AKAP13: variants seen among roughly 807,000 people sequenced by gnomAD.
AKAP13 encodes the protein A-kinase anchoring protein 13, also known as A-kinase anchor protein 13.
Under a neutral mutation model 264.5 loss-of-function variants are expected in AKAP13, and 80 were observed. The observed-to-expected ratio is 0.30, with a 90% CI of 0.25 to 0.36. AKAP13 has a LOEUF of 0.36. Among genes scored for constraint, AKAP13 ranks in the 10% least tolerant of loss-of-function variants. The pLI is 1.00. For missense variants in AKAP13, 3,712 were observed against 3,435.2 expected, an observed-to-expected ratio of 1.08 and a Z score of -2.01; for synonymous variants, 1,380 against 1,250.2, an observed-to-expected ratio of 1.10 and a Z score of -2.19.
chr15:85,483,642 A>AC (rs1555434091), intron 1 of AKAP13, among the ~76,000 whole-genome samples: 8 of 145,196 alleles, frequency 5.5e-5, no homozygotes, highest in South Asian at 2.2e-4. Flanking sequence ...CAAAAAAAAA[A>AC]AAAAAAAAAC....
chr15:85,665,817 A>G (rs2083562227), intron 13 of AKAP13, among the ~76,000 whole-genome samples: 1 of 152,128 alleles, frequency 6.6e-6, no homozygotes, highest in Admixed American at 6.5e-5. Flanking sequence ...ACTCAGAATG[A>G]TGGTTTCCAG....
intron 8 of AKAP13, among the ~76,000 whole-genome samples, chr15:85,606,547 A>G (rs2080353365): frequency 6.6e-6 from 1 of 152,226 alleles, no homozygotes; most frequent in African/African-American, 2.4e-5. Flanking sequence ...CTTGTACAAC[A>G]GGCCCCTACT....
chr15:85,613,713 T>TA (rs1254657975), intron 8 of AKAP13, among the ~76,000 whole-genome samples: 14,296 of 108,236 alleles, frequency 0.13, 3,028 homozygotes, highest in African/African-American at 0.33. Flanking sequence ...TATATATATA[T>TA]TAGGAGTGCT....
rs2083497698 is a variant in AKAP13, at chr15:85,664,647, A to G, written c.4884A>G (p.Glu1628=). The change falls in exon 13 of 37, where the codon GAA becomes GAG. Residue 1628 remains glutamate, a synonymous_variant. Transcript: ENST00000394518. Reference sequence around the variant, plus strand: ...TAGAAGTAAGCTCTGCAAATGCCGAAGAGCTCAGACACCCATTCAGTGGTG... The same window carrying G: ...TAGAAGTAAGCTCTGCAAATGCCGAGGAGCTCAGACACCCATTCAGTGGTG... ...SSLEVSSANA[E]ELRHPFSGEE... The G allele has an allele frequency of 6.2e-7, 1 of 1,614,168 alleles. No homozygotes were observed. The highest frequency in any genetic ancestry group is 8.5e-7 in the Non-Finnish European group (1 of 1,179,984).
chr15:85,516,582 C>T (rs1424516085), intron 2 of AKAP13, among the ~76,000 whole-genome samples: 3 of 152,126 alleles, frequency 2.0e-5, no homozygotes, highest in Non-Finnish European at 2.9e-5. Flanking sequence ...CCATTCTTTC[C>T]GTAAGTGGTG....
At chr15:85,469,861 G>A (rs183285498) in intron 1 of AKAP13, among the ~76,000 whole-genome samples, 1 of 152,320 alleles carries the variant, frequency 6.6e-6, no homozygotes, top group African/African-American at 2.4e-5. Flanking sequence ...ATTTTTAGCA[G>A]AGAATTGTAG....
intron 1 of AKAP13, among the ~76,000 whole-genome samples, chr15:85,469,082 T>C (rs2074861742): frequency 1.5e-5 from 2 of 137,638 alleles, no homozygotes; most frequent in South Asian, 4.4e-4. Flanking sequence ...GCCCAGCTAA[T>C]TTTTGTATTA....
intron 8 of AKAP13, among the ~76,000 whole-genome samples, chr15:85,605,073 A>G (rs902015493): frequency 6.6e-6 from 1 of 151,404 alleles, no homozygotes; most frequent in Non-Finnish European, 1.5e-5. Context: ...CTTAATCCCC[A>G]TGGATTACCT....
intron 12 of AKAP13, among the ~76,000 whole-genome samples, chr15:85,664,165 C>T (rs554609879): frequency 4.6e-5 from 7 of 152,228 alleles, no homozygotes; most frequent in Non-Finnish European, 1.0e-4. Flanking sequence ...TACTTAAGCT[C>T]GTATTTTCTC....
chr15:85,448,027 C>T (rs953453188), intron 1 of AKAP13, among the ~76,000 whole-genome samples: 8 of 152,158 alleles, frequency 5.3e-5, no homozygotes, highest in African/African-American at 1.7e-4. Context: ...ACCTTGCCAG[C>T]ATCTGCTGTT....
chr15:85,418,961 A>G (rs1009336090), intron 1 of AKAP13, among the ~76,000 whole-genome samples: 1 of 152,220 alleles, frequency 6.6e-6, no homozygotes, highest in African/African-American at 2.4e-5. Context: ...TGTGCTGGGC[A>G]TTGTTTAGAT....
intron 7 of AKAP13, among the ~76,000 whole-genome samples, chr15:85,584,152 C>T (rs941709101): frequency 1.3e-4 from 20 of 152,170 alleles, no homozygotes; most frequent in African/African-American, 4.8e-4. Flanking sequence ...TAGATTTAAT[C>T]ATACTGTTTT....
intron 1 of AKAP13, among the ~76,000 whole-genome samples, chr15:85,463,533 AAT>A (rs1430645574): frequency 6.6e-6 from 1 of 152,188 alleles, no homozygotes; most frequent in East Asian, 1.9e-4. Flanking sequence ...AAAATGGTAG[AAT>A]ATATGGATGG....
chr15:85,536,042 T>C (rs1467272453), intron 4 of AKAP13: 1 of 152,236 alleles, frequency 6.6e-6, no homozygotes, highest in Admixed American at 6.5e-5. Context: ...GCTCAGGCAA[T>C]CCACCCGCCT....
At chr15:85,383,083 T>C (rs2070375958) in intron 1 of AKAP13, among the ~76,000 whole-genome samples, 1 of 151,616 alleles carries the variant, frequency 6.6e-6, no homozygotes, top group African/African-American at 2.4e-5. Flanking sequence ...TTTTTTAGAG[T>C]CGGAATCTTC....
chr15:85,650,717 C>G (rs959863943), intron 10 of AKAP13, among the ~76,000 whole-genome samples: 1 of 114,252 alleles, frequency 8.8e-6, no homozygotes, highest in South Asian at 3.0e-4. Context: ...GATTGTGCCA[C>G]CATACTCCAG....
rs755008771 is a variant in AKAP13 at position 85,730,578 on chromosome 15, G to A, written c.7153G>A (p.Asp2385Asn). Reference protein sequence around the residue: ...LLEEKEMIFRDMAECSTPLPE... With the variant: ...LLEEKEMIFRNMAECSTPLPE... The stretch of plus-strand genomic sequence containing the variant: ...GGAAGAGAAGGAGATGATTTTCCGG[G>A]ACATGGCTGAGTGCAGCACCCCTCT... The change falls in exon 30 of 37, where the codon GAC becomes AAC. Residue 2385 changes from aspartate (D) to asparagine (N), a missense_variant. Asp to Asn is a conservative substitution (Grantham distance 23, BLOSUM62 1). Around this residue, in one of 3 missense-constraint regions of AKAP13, gnomAD observed 342 missense variants for 484.3 expected, o/e 0.71. Coordinates refer to ENST00000394518, the MANE Select transcript of AKAP13 (RefSeq NM_007200.5). 2 of 1,614,070 alleles carry A rather than the reference G, an allele frequency of 1.2e-6. No homozygotes were observed. Among genetic ancestry groups the A allele is most frequent in the Admixed American group, 1.7e-5 (1 of 60,002 alleles).
chr15:85,516,543 G>C (rs563284530), intron 2 of AKAP13, among the ~76,000 whole-genome samples: 2 of 152,126 alleles, frequency 1.3e-5, no homozygotes, highest in African/African-American at 4.8e-5. Context: ...GTTTGTACTT[G>C]ACTAGGGTTT....
At chr15:85,507,821 C>T (rs1480181214) in intron 2 of AKAP13, among the ~76,000 whole-genome samples, 1 of 152,244 alleles carries the variant, frequency 6.6e-6, no homozygotes, top group African/African-American at 2.4e-5. Context: ...AATCACCCTC[C>T]TCCACTCCCA....
Sources: allele counts gnomAD v4.1 joint callset (sites outside exome capture counted in the v4.1 genomes callset), GRCh38; gene constraint gnomAD v4.1.1; regional missense constraint gnomAD v4.1.1; transcripts MANE v1.5; gene names NCBI Gene and HGNC (gene_info 2026-07-23, HGNC 2026-07-21).